The following FRMPD4 variants were observed in gnomAD, a reference collection of about 807,000 sequenced individuals.
FRMPD4 encodes the protein FERM and PDZ domain-containing protein 4.
In FRMPD4, 22 loss-of-function variants were observed where a neutral mutation model predicts 94.1. The ratio of observed to expected loss-of-function variants is 0.23; its 90% confidence interval spans 0.17 to 0.33. The LOEUF is 0.33. Ranked by LOEUF, FRMPD4 falls within the 10% of genes least tolerant of loss-of-function variation. The pLI is 1.00. For missense variants in FRMPD4, 1,111 were observed against 1,339.9 expected, an observed-to-expected ratio of 0.83 and a Z score of 2.67; for synonymous variants, 631 against 548.6, an observed-to-expected ratio of 1.15 and a Z score of -2.10.
At chrX:12,247,007 C>T (rs778153533) in intron 1 of FRMPD4, among the ~76,000 whole-genome samples, 2 of 111,801 alleles carry the variant, frequency 1.8e-5, no homozygotes, top group African/African-American at 6.5e-5. Context: ...CAGTTGGACT[C>T]TTAAGGGGAT....
At chrX:11,828,107 C>T (rs1158012280) in intron 1 of FRMPD4, among the ~76,000 whole-genome samples, 1 of 112,162 alleles carries the variant, frequency 8.9e-6, no homozygotes, top group African/African-American at 3.2e-5. Context: ...AAATTGCCTT[C>T]CTGGAAGTCA....
chrX:12,148,898 A>T (rs186507949), intron 1 of FRMPD4, among the ~76,000 whole-genome samples: 2 of 112,337 alleles, frequency 1.8e-5, no homozygotes, highest in East Asian at 5.6e-4. Flanking sequence ...TGTTTACAGC[A>T]TGGTTTACTG....
intron 1 of FRMPD4, chrX:12,395,969 G>T: frequency 1.2e-5 from 2 of 167,319 alleles, no homozygotes; most frequent in Admixed American, 5.8e-5. Flanking sequence ...CCTCAAGTTC[G>T]ATGCTATTCT....
At chrX:12,662,854 C>G (rs1186959410) in intron 4 of FRMPD4, among the ~76,000 whole-genome samples, 1 of 112,513 alleles carries the variant, frequency 8.9e-6, no homozygotes, top group Non-Finnish European at 1.9e-5. Context: ...CACATCCTCT[C>G]CAGCATCTGT....
chrX:12,707,478 A>G lies in FRMPD4; in HGVS notation c.1297A>G (p.Lys433Glu). The change falls in exon 13 of 17, where the codon AAG becomes GAG. Residue 433 changes from lysine (K) to glutamate (E), a missense_variant. By Grantham distance (56) the Lys-to-Glu change is moderately conservative. Around this residue, in one of 8 missense-constraint regions of FRMPD4, gnomAD observed 111 missense variants for 160.7 expected, o/e 0.69. Transcript: ENST00000675598. ...AACTTCTCTTTCTCAGCAGGCAGAA[A>G]AGCGCTCGGAAGTGACTCTCCTGGT... The part of the protein sequence containing the change: ...VFKATLVQAE[K>E]RSEVTLLVGP... The G allele has an allele frequency of 8.4e-7, 1 of 1,191,805 alleles. No individual in the cohort carries two copies. Among genetic ancestry groups the G allele is most frequent in the Non-Finnish European group, 1.1e-6 (1 of 886,725 alleles).
intron 4 of FRMPD4, among the ~76,000 whole-genome samples, chrX:12,619,672 A>G (rs2059269184): frequency 8.9e-6 from 1 of 111,922 alleles, no homozygotes; most frequent in Non-Finnish European, 1.9e-5. Flanking sequence ...ACCCGGGAAG[A>G]GTCATACCTA....
chrX:12,347,854 G>A (rs2055738715), intron 1 of FRMPD4, among the ~76,000 whole-genome samples: 2 of 111,146 alleles, frequency 1.8e-5, no homozygotes, highest in Admixed American at 9.6e-5. Context: ...TCTAAATGTT[G>A]TGTTGTATTA....
chrX:11,895,446 C>A (rs1334662878), intron 3 of FRMPD4, among the ~76,000 whole-genome samples: 1 of 110,946 alleles, frequency 9.0e-6, no homozygotes, highest in Non-Finnish European at 1.9e-5. Flanking sequence ...AATGATGGAG[C>A]CAATCATTAC....
intron 3 of FRMPD4, among the ~76,000 whole-genome samples, chrX:11,879,645 G>T (rs1214455758): frequency 1.8e-5 from 2 of 110,586 alleles, no homozygotes; most frequent in African/African-American, 6.5e-5. Context: ...GATTATCCAG[G>T]TTACTATATT....
At chrX:12,059,764 C>T (rs1186619389) in intron 3 of FRMPD4, among the ~76,000 whole-genome samples, 1 of 111,312 alleles carries the variant, frequency 9.0e-6, no homozygotes, top group Non-Finnish European at 1.9e-5. Context: ...CAGCTGCATC[C>T]ATGTTGCTGC....
chrX:12,193,776 AAG>A (rs2056524057), intron 1 of FRMPD4, among the ~76,000 whole-genome samples: 1 of 19,748 alleles, frequency 5.1e-5, no homozygotes, highest in African/African-American at 3.3e-4. Flanking sequence ...GAAAGAAAGG[AAG>A]GAAGGAAGGA....
intron 1 of FRMPD4, among the ~76,000 whole-genome samples, chrX:12,318,698 G>C (rs1217288288): frequency 1.8e-5 from 2 of 111,197 alleles, no homozygotes; most frequent in Non-Finnish European, 3.8e-5. Flanking sequence ...ATAAGTTCCA[G>C]TGTTTGATAG....
chrX:12,065,117 A>G (rs1168765494), intron 3 of FRMPD4, among the ~76,000 whole-genome samples: 11 of 112,511 alleles, frequency 9.8e-5, no homozygotes, highest in African/African-American at 3.5e-4. Context: ...TACTATTGAA[A>G]TCATTCTCAG....
At chrX:11,871,979 C>A (rs1043053510) in intron 2 of FRMPD4, among the ~76,000 whole-genome samples, 1 of 111,925 alleles carries the variant, frequency 8.9e-6, no homozygotes, top group Non-Finnish European at 1.9e-5. Flanking sequence ...CAATGCCTAA[C>A]TCATTTTTGG....
intron 2 of FRMPD4, among the ~76,000 whole-genome samples, chrX:12,604,599 T>A (rs973361858): frequency 5.3e-5 from 6 of 112,460 alleles, no homozygotes; most frequent in Non-Finnish European, 1.1e-4. Flanking sequence ...GAGTTCATAA[T>A]GTCTGAAACG....
chrX:12,292,537 C>T (rs1448182786), intron 1 of FRMPD4, among the ~76,000 whole-genome samples: 1 of 110,476 alleles, frequency 9.1e-6, no homozygotes, highest in Non-Finnish European at 1.9e-5. Flanking sequence ...TTTATGTGTT[C>T]ATTATTTAAC....
At chrX:12,331,997 TA>T (rs1166207321) in intron 1 of FRMPD4, among the ~76,000 whole-genome samples, 3 of 44,210 alleles carry the variant, frequency 6.8e-5, no homozygotes, top group African/African-American at 2.9e-4. Flanking sequence ...ATATATAAAT[TA>T]TATATATTTA....
At chrX:12,117,826 A>G (rs1436595198) in intron 3 of FRMPD4, among the ~76,000 whole-genome samples, 5 of 111,852 alleles carry the variant, frequency 4.5e-5, no homozygotes, top group African/African-American at 1.6e-4. Flanking sequence ...AGACTTATTT[A>G]TCACATTTTA....
At chrX:12,101,949 C>T (rs1397063706) in intron 3 of FRMPD4, among the ~76,000 whole-genome samples, 1 of 111,247 alleles carries the variant, frequency 9.0e-6, no homozygotes, top group Admixed American at 9.5e-5. Context: ...CATTAAGCTT[C>T]ATATCTTGAT....
Sources: allele counts gnomAD v4.1 joint callset (sites outside exome capture counted in the v4.1 genomes callset), GRCh38; gene constraint gnomAD v4.1.1; regional missense constraint gnomAD v4.1.1; transcripts MANE v1.5; gene names NCBI Gene and HGNC (gene_info 2026-07-23, HGNC 2026-07-21).